The following GART variants were observed in gnomAD, a reference collection of about 807,000 sequenced individuals.
The protein encoded by GART is phosphoribosylglycinamide formyltransferase, phosphoribosylglycinamide synthetase, phosphoribosylaminoimidazole synthetase.
A neutral mutation model predicts 107.2 loss-of-function variants in GART; 43 were observed. The observed-to-expected ratio is 0.40, with a 90% CI of 0.31 to 0.52. The LOEUF is 0.52. Among genes scored for constraint, GART ranks in the 20% least tolerant of loss-of-function variants. The pLI is 0.52. For synonymous variants in GART, 434 were observed against 427.0 expected (o/e 1.02, Z -0.20); for missense variants, 1,107 against 1,206.5 (o/e 0.92, Z 1.22).
intron 12 of GART, among the ~76,000 whole-genome samples, chr21:33,521,738 T>C (rs1054612338): frequency 6.6e-6 from 1 of 151,708 alleles, no homozygotes; most frequent in South Asian, 2.1e-4. Flanking sequence ...GGTGGGCAGA[T>C]TGCCTGAGGT....
In GART at chr21:33,509,846, G is replaced by T. The variant is rs762786248; in HGVS notation, c.2389C>A (p.Leu797Met). 21 of 1,613,820 alleles carry T rather than the reference G, an allele frequency of 1.3e-5. No individual in the cohort carries two copies. The highest frequency in any genetic ancestry group is 1.0e-4 in the Admixed American group (6 of 59,998). Reference protein sequence around the residue: ...INGSVLKNGSLTNHFSFEKKK... With the variant: ...INGSVLKNGSMTNHFSFEKKK... ...TTTTCAAAAGAGAAATGATTTGTCA[G>T]GGAGCCATTCTTCAACACTGACCCA... Residue 797 changes from leucine to methionine, a missense_variant, in exon 18 of 22, where the codon CTG (leucine) becomes ATG (methionine). Physicochemically the swap from Leu to Met is conservative, Grantham distance 15. Coordinates refer to ENST00000381815, the MANE Select transcript of GART (RefSeq NM_000819.5).
intron 18 of GART, 71 bp from the exon 19 acceptor site, chr21:33,506,175 C>G: frequency 6.5e-7 from 1 of 1,534,294 alleles, no homozygotes; most frequent in Non-Finnish European, 8.8e-7. Context: ...GGGAGTCTCA[C>G]TCTGTCGCCC....
chr21:33,504,503 G>A lies in GART; in HGVS notation c.2750C>T (p.Ser917Phe). 1 of 1,613,690 alleles carries A rather than the reference G, an allele frequency of 6.2e-7. No homozygotes were observed. Among genetic ancestry groups the A allele is most frequent in the Non-Finnish European group, 8.5e-7 (1 of 1,179,724 alleles). ...TGAACCCTTAAAAGAAGGGAGCAAG[G>A]ATGGGTGGATATTGAGCATTTTTCC... The part of the protein sequence containing the change: ...WNGKMLNIHP[S>F]LLPSFKGSNA... The change falls in exon 21 of 22, where the codon TCC (serine) becomes TTC (phenylalanine). Residue 917 changes from serine to phenylalanine, a missense_variant. Transcript: ENST00000381815.
intron 16 of GART, among the ~76,000 whole-genome samples, chr21:33,512,230 G>A (rs1200889985): frequency 6.8e-6 from 1 of 147,234 alleles, no homozygotes; most frequent in Admixed American, 6.9e-5. Context: ...GTTGCAGTGG[G>A]CCGAGATGGT....
chr21:33,521,324 A>C (rs1218637252), intron 12 of GART, among the ~76,000 whole-genome samples: 1 of 152,162 alleles, frequency 6.6e-6, no homozygotes, highest in South Asian at 2.1e-4. Flanking sequence ...CCATGTGCTC[A>C]AAGAATTGAT....
rs762623721 is a variant in GART at position 33,509,935 on chromosome 21, T to C, written c.2315-15A>G. On this transcript the variant is annotated splice_polypyrimidine_tract_variant and intron_variant, in intron 17 of 21. Transcript: ENST00000381815. Reference sequence around the variant, plus strand: ...ACGTGGGGAACCTTCATTTCAAACATATCCATAAATAAGTAAAGAACAATT... The same window carrying C: ...ACGTGGGGAACCTTCATTTCAAACACATCCATAAATAAGTAAAGAACAATT... The C allele has an allele frequency of 1.0e-5, 16 of 1,596,328 alleles. No homozygotes were observed. The highest frequency in any genetic ancestry group is 5.3e-5 in the Admixed American group (3 of 56,340).
At position 33,505,648 on chromosome 21, in the gene GART, G is replaced by A; in HGVS notation, c.2638C>T (p.Leu880=). The A allele has an allele frequency of 6.2e-7, 1 of 1,611,822 alleles. No individual in the cohort carries two copies. The highest frequency in any genetic ancestry group is 2.2e-5 in the East Asian group (1 of 44,846). The change falls in exon 20 of 22, where the codon CTA becomes TTA. Residue 880 remains leucine (L), a synonymous_variant. Transcript: ENST00000381815. ...TCTATGGAGAACTCTTCAAGGACTA[G>A]GTCAATTGCACTGTCAAATTCTACA... ...NRVEFDSAID[L]VLEEFSIDIV...
chr21:33,513,353 C>T (rs879510547), intron 16 of GART, among the ~76,000 whole-genome samples: 8 of 152,072 alleles, frequency 5.3e-5, no homozygotes, highest in Middle Eastern at 3.4e-3. Flanking sequence ...CCGCAGATCA[C>T]GAAGTCAGGA....
intron 1 of GART, among the ~76,000 whole-genome samples, chr21:33,541,086 G>GT (rs1474606619): frequency 6.6e-6 from 1 of 151,952 alleles, no homozygotes; most frequent in Non-Finnish European, 1.5e-5. Flanking sequence ...CTACTTTAGT[G>GT]TAACGGGAAA....
intron 6 of GART, 147 bp from the exon 7 acceptor site, chr21:33,531,031 A>G: frequency 1.9e-6 from 1 of 535,668 alleles, no homozygotes; most frequent in East Asian, 3.7e-5. Context: ...AACGTCAATA[A>G]CATTAAGCTA....
intron 4 of GART, among the ~76,000 whole-genome samples, chr21:33,534,072 T>C (rs536425777): frequency 6.6e-6 from 1 of 152,338 alleles, no homozygotes; most frequent in East Asian, 1.9e-4. Context: ...TCTGTATGCA[T>C]AGGATCCCAT....
At chr21:33,539,442 C>T (rs1243377873) in intron 1 of GART, 86 bp from the exon 2 acceptor site, 4 of 1,029,098 alleles carry the variant, frequency 3.9e-6, no homozygotes, top group Non-Finnish European at 5.5e-6. Context: ...CCTGTACCCC[C>T]AGCATTTTGG....
At chr21:33,512,289 G>GAAAAAAAAAAAAAAAAAAAAAAAAAA (rs563178142) in intron 16 of GART, among the ~76,000 whole-genome samples, 1 of 65,444 alleles carries the variant, frequency 1.5e-5, no homozygotes, top group Non-Finnish European at 2.7e-5. Context: ...GACTCAAATT[G>GAAAAAAAAAAAAAAAAAAAAAAAAAA]AAAAAAAAAA....
At chr21:33,539,552 G>C (rs2085370303) in intron 1 of GART, among the ~76,000 whole-genome samples, 196 bp from the exon 2 acceptor site, 6 of 152,014 alleles carry the variant, frequency 3.9e-5, no homozygotes, top group Admixed American at 3.9e-4. Context: ...AATTAGCCAG[G>C]CATGGTGGCG....
At chr21:33,530,964 C>T in intron 6 of GART, 80 bp from the exon 7 acceptor site, 2 of 1,328,944 alleles carry the variant, frequency 1.5e-6, no homozygotes. Context: ...AACTATATGT[C>T]CCTTAATTCT....
chr21:33,529,014 G>A, intron 7 of GART, 77 bp from the exon 8 acceptor site: 1 of 918,284 alleles, frequency 1.1e-6, no homozygotes, highest in South Asian at 1.4e-5. Flanking sequence ...GACAACAGAA[G>A]GGGATGATGA....
chr21:33,523,898 TG>T, intron 11 of GART: 2 of 478,428 alleles, frequency 4.2e-6, no homozygotes, highest in Non-Finnish European at 5.2e-6. Context: ...ACCCGGGAGG[TG>T]GAGGTTGCAG....
intron 16 of GART, among the ~76,000 whole-genome samples, chr21:33,512,978 T>G (rs1466065906): frequency 2.0e-5 from 3 of 151,578 alleles, no homozygotes; most frequent in Non-Finnish European, 4.4e-5. Flanking sequence ...TGCAATGGCG[T>G]GATCTCGACT....
intron 16 of GART, 38 bp downstream of exon 16, chr21:33,516,951 G>C (rs777474395): frequency 6.4e-7 from 1 of 1,555,582 alleles, no homozygotes; most frequent in Non-Finnish European, 8.7e-7. Context: ...TTTTTCCTCA[G>C]CAATTTTCTG....
Sources: gnomAD v4.1 joint callset for allele counts (sites outside exome capture counted in the v4.1 genomes callset) on GRCh38, gnomAD v4.1.1 for gene constraint, MANE v1.5 for transcripts, NCBI Gene and HGNC (gene_info 2026-07-23, HGNC 2026-07-21) for gene names.